Variants in GAP43 observed in about 807,000 individuals in gnomAD.
The protein encoded by GAP43 is growth associated protein 43.
Under a neutral mutation model 18.6 loss-of-function variants are expected in GAP43, and 6 were observed. That is an observed-to-expected ratio of 0.32 (90% confidence interval 0.18 to 0.64). The LOEUF (loss-of-function observed/expected upper bound fraction) is 0.64, where lower values mean the gene tolerates loss of function less well. GAP43 is among the 30% of genes least tolerant of loss of function. The pLI is 0.78. For missense variants in GAP43, 292 were observed against 295.5 expected, an observed-to-expected ratio of 0.99 and a Z score of 0.09; for synonymous variants, 115 against 111.4, an observed-to-expected ratio of 1.03 and a Z score of -0.20.
chr3:115,698,337 T>C (rs2107366035), intron 2 of GAP43, among the ~76,000 whole-genome samples: 1 of 99,306 alleles, frequency 1.0e-5, no homozygotes, highest in East Asian at 2.6e-4. Context: ...ATAAAACCAG[T>C]TCTGTCGGTC....
intron 2 of GAP43, among the ~76,000 whole-genome samples, chr3:115,683,509 T>G (rs1236085323): frequency 6.6e-6 from 1 of 152,226 alleles, no homozygotes; most frequent in African/African-American, 2.4e-5. Context: ...GGACTTCTGA[T>G]TCATAATCCT....
At chr3:115,716,226 C>G (rs991959800) in intron 2 of GAP43, among the ~76,000 whole-genome samples, 5 of 152,132 alleles carry the variant, frequency 3.3e-5, no homozygotes, top group Admixed American at 1.3e-4. Flanking sequence ...AATGATTTAT[C>G]TAGGGTTGAC....
chr3:115,671,958 G>T (rs2107487104), intron 1 of GAP43, among the ~76,000 whole-genome samples: 1 of 152,304 alleles, frequency 6.6e-6, no homozygotes, highest in South Asian at 2.1e-4. Context: ...TTTTCAAAAG[G>T]ATTCTATGTG....
intron 2 of GAP43, among the ~76,000 whole-genome samples, chr3:115,713,939 G>A (rs1474845932): frequency 1.3e-5 from 2 of 152,184 alleles, no homozygotes. Context: ...AAATCCAAGA[G>A]AAGTGACCCA....
intron 2 of GAP43, among the ~76,000 whole-genome samples, chr3:115,716,535 T>C (rs1434615334): frequency 6.6e-6 from 1 of 151,492 alleles, no homozygotes; most frequent in Admixed American, 6.6e-5. Flanking sequence ...TTACATTGTT[T>C]CCTCCATCCA....
At position 115,643,031 on chromosome 3, in the gene GAP43, T is replaced by C. The variant is rs139854049; in HGVS notation, c.30+19312T>C. Among the ~76,000 whole-genome samples, 11 of 152,212 alleles carry C rather than the reference T, an allele frequency of 7.2e-5. No individual in the cohort carries two copies. In the East Asian group the frequency reaches 1.9e-3, roughly 27 times the overall value. ...CTCTCAACACTCTTTAATGCTAATA[T>C]ACATTGTTTCTTGCAGTCTTGGAAC... On this transcript the variant is annotated intron_variant, in intron 1 of 2. Coordinates refer to ENST00000305124, the MANE Select transcript of GAP43 (RefSeq NM_002045.4).
Position 115,635,731 on chromosome 3 carries a change from A to T in GAP43, c.30+12012A>T, listed in dbSNP as rs1391919050. Among the ~76,000 whole-genome samples, 17 of 152,232 alleles carry T rather than the reference A, an allele frequency of 1.1e-4. No homozygotes were observed. The East Asian group carries it at 3.3e-3, about 29-fold the overall frequency. ...GGACTAGGTATGAAAAGAAAAAAAA[A>T]AAAATAAGTGTGAGCACTAGTATGC... is the stretch of plus-strand genomic sequence containing the variant. On this transcript the variant is annotated intron_variant, in intron 1 of 2. Coordinates refer to ENST00000305124, the MANE Select transcript of GAP43 (RefSeq NM_002045.4).
intron 2 of GAP43, among the ~76,000 whole-genome samples, chr3:115,717,993 G>A (rs948691178): frequency 1.3e-5 from 2 of 152,146 alleles, no homozygotes; most frequent in African/African-American, 4.8e-5. Flanking sequence ...CCATCTGAAT[G>A]TTCAAGTTTC....
intron 2 of GAP43, among the ~76,000 whole-genome samples, chr3:115,686,321 C>G (rs283372): frequency 0.89 from 134,797 of 152,294 alleles, 59,833 homozygotes; most frequent in Admixed American, 0.93. Context: ...ATATGTGATG[C>G]CATGAGAAGT....
intron 1 of GAP43, chr3:115,663,995 T>C (rs1280046533): frequency 3.0e-6 from 4 of 1,346,836 alleles, no homozygotes; most frequent in East Asian, 2.5e-5. Context: ...CTGTATGACT[T>C]TGAGCAAATT....
chr3:115,641,544 G>A (rs1249929877), intron 1 of GAP43, among the ~76,000 whole-genome samples: 3 of 22,326 alleles, frequency 1.3e-4, no homozygotes, highest in African/African-American at 1.7e-4. Context: ...ACACACACAC[G>A]GTGCTTTCCT....
chr3:115,691,794 G>A (rs1450248291), intron 2 of GAP43, among the ~76,000 whole-genome samples: 1 of 152,152 alleles, frequency 6.6e-6, no homozygotes, highest in Non-Finnish European at 1.5e-5. Flanking sequence ...AGTCAGCCAA[G>A]GTTACCAGGT....
intron 2 of GAP43, among the ~76,000 whole-genome samples, chr3:115,688,909 C>T (rs1053154975): frequency 6.6e-6 from 1 of 152,242 alleles, no homozygotes; most frequent in African/African-American, 2.4e-5. Context: ...CTTACTTCCG[C>T]AGCCTAGGAG....
intron 1 of GAP43, among the ~76,000 whole-genome samples, chr3:115,646,515 A>G (rs529640019): frequency 6.6e-6 from 1 of 152,092 alleles, no homozygotes; most frequent in Non-Finnish European, 1.5e-5. Flanking sequence ...CCTAATAGGC[A>G]ATATTGCCTA....
chr3:115,690,757 CTTTTTTTT>C (rs71616327), intron 2 of GAP43, among the ~76,000 whole-genome samples: 1 of 110,998 alleles, frequency 9.0e-6, no homozygotes, highest in Non-Finnish European at 1.9e-5. Context: ...TTCTTTCTTT[CTTTTTTTT>C]TTTTTTTTGA....
chr3:115,646,510 T>C (rs1209492624), intron 1 of GAP43, among the ~76,000 whole-genome samples: 2 of 152,074 alleles, frequency 1.3e-5, no homozygotes, highest in African/African-American at 4.8e-5. Flanking sequence ...AATTGCCTAA[T>C]AGGCAATATT....
chr3:115,676,002 T>C lies in GAP43; in HGVS notation c.31-11T>C. On this transcript the variant is annotated splice_polypyrimidine_tract_variant and intron_variant, in intron 1 of 2. Coordinates refer to ENST00000305124, the MANE Select transcript of GAP43 (RefSeq NM_002045.4). The stretch of plus-strand genomic sequence containing the variant: ...TGAAGCCCTCTCTTTTCCCTTCTTT[T>C]CTCGACAAAGGTTGAAAAAAATGAT... 1 of 1,585,272 alleles carries C rather than the reference T, an allele frequency of 6.3e-7. No homozygotes were observed. The highest frequency in any genetic ancestry group is 8.6e-7 in the Non-Finnish European group (1 of 1,168,254).
At chr3:115,683,143 GCGCGCA>G (rs762784175) in intron 2 of GAP43, among the ~76,000 whole-genome samples, 8,530 of 125,520 alleles carry the variant, frequency 0.068, 315 homozygotes, top group Middle Eastern at 0.16. Context: ...GTGCGCGCGC[GCGCGCA>G]CACACACACA....
chr3:115,643,300 C>T (rs1708420697), intron 1 of GAP43, among the ~76,000 whole-genome samples: 1 of 152,062 alleles, frequency 6.6e-6, no homozygotes, highest in South Asian at 2.1e-4. Context: ...TCTACAGACC[C>T]ATGCTCTAAT....
Sources: allele counts gnomAD v4.1 joint callset (sites outside exome capture counted in the v4.1 genomes callset), GRCh38; gene constraint gnomAD v4.1.1; transcripts MANE v1.5; gene names NCBI Gene and HGNC (gene_info 2026-07-23, HGNC 2026-07-21).